PDE10A: variants seen among roughly 807,000 people sequenced by gnomAD.
PDE10A encodes the protein phosphodiesterase 10A, also known as cAMP and cAMP-inhibited cGMP 3',5'-cyclic phosphodiesterase 10A.
A neutral mutation model predicts 97.7 loss-of-function variants in PDE10A; 39 were observed. The ratio of observed to expected loss-of-function variants is 0.40; its 90% CI spans 0.31 to 0.52. The LOEUF (loss-of-function observed/expected upper bound fraction) is 0.52, where lower values mean the gene tolerates loss of function less well. Among genes scored for constraint, PDE10A ranks in the 20% least tolerant of loss-of-function variants. The pLI is 0.56. For missense variants in PDE10A, 731 were observed against 1,047.8 expected (o/e 0.70, Z 4.17); for synonymous variants, 371 against 376.8 (o/e 0.98, Z 0.18).
intron 1 of PDE10A, among the ~76,000 whole-genome samples, chr6:165,549,592 G>A (rs78927531): frequency 0.082 from 12,456 of 152,208 alleles, 549 homozygotes; most frequent in Non-Finnish European, 0.091. Context: ...CCGAAGTGCT[G>A]GGATCACAGA....
At chr6:165,710,469 T>C (rs1429422984) in intron 1 of PDE10A, among the ~76,000 whole-genome samples, 5 of 152,234 alleles carry the variant, frequency 3.3e-5, no homozygotes, top group Non-Finnish European at 7.3e-5. Flanking sequence ...TTTCCTGTTA[T>C]AGACACACCT....
chr6:165,620,565 C>T (rs2983500), intron 1 of PDE10A, among the ~76,000 whole-genome samples: 29,551 of 151,956 alleles, frequency 0.19, 4,338 homozygotes, highest in African/African-American at 0.42. Flanking sequence ...AGAGAGAAAA[C>T]GATCAATAAG....
chr6:165,927,928 C>T (rs1000331134), intron 1 of PDE10A, among the ~76,000 whole-genome samples: 1 of 150,640 alleles, frequency 6.6e-6, no homozygotes, highest in Middle Eastern at 3.5e-3. Flanking sequence ...AACTCCTAAC[C>T]TTAAGTGATC....
At position 165,724,926 on chromosome 6, in the gene PDE10A, C is replaced by T. The variant is rs1035642814; in HGVS notation, c.-614-181358G>A. On this transcript the variant is annotated intron_variant, in intron 1 of 19. Transcript: ENST00000366882. ...ATAGTGGTGATATGGGAGGGGGGCT[C>T]GCAAGTGCTGGGTAGAGAAAGGCAG... Among the ~76,000 whole-genome samples, 4 of 152,292 alleles carry T rather than the reference C, an allele frequency of 2.6e-5. 1 individual carries two copies. The highest frequency in any genetic ancestry group is 4.1e-4 in the South Asian group (2 of 4,826).
chr6:165,915,836 T>C (rs1782590876), intron 1 of PDE10A, among the ~76,000 whole-genome samples: 1 of 152,254 alleles, frequency 6.6e-6, no homozygotes, highest in Non-Finnish European at 1.5e-5. Context: ...TCAGGATACT[T>C]CAACTCTGTG....
intron 1 of PDE10A, among the ~76,000 whole-genome samples, chr6:165,766,384 A>G (rs1777850911): frequency 2.0e-5 from 3 of 152,236 alleles, no homozygotes; most frequent in South Asian, 2.1e-4. Flanking sequence ...CGCCAGCAGT[A>G]ATTCTATTCA....
intron 2 of PDE10A, among the ~76,000 whole-genome samples, chr6:165,486,875 CA>C (rs1779954294): frequency 6.6e-6 from 1 of 152,182 alleles, no homozygotes; most frequent in Admixed American, 6.5e-5. Context: ...CAGCTGCATT[CA>C]AAGCCAAAGT....
Position 165,416,064 on chromosome 6 carries a change from G to A in PDE10A, c.1889+125C>T, listed in dbSNP as rs942744691. The A allele has an allele frequency of 4.2e-5, 29 of 691,528 alleles. No individual in the cohort carries two copies. The South Asian group carries it at 4.3e-4, about 10-fold the overall frequency. 42.8% of individuals were successfully genotyped at this position (691,528 alleles called of 1,614,324 possible). On this transcript the variant is annotated intron_variant, in intron 12 of 21. Coordinates refer to ENST00000539869, the MANE Select transcript of PDE10A (RefSeq NM_001385079.1). ...CTATTGATAGCAGAGTTGGTTCAGA[G>A]AAGAAAACTAAGGAAGAAAGAACTG...
chr6:165,716,024 C>G (rs371074029), intron 1 of PDE10A, among the ~76,000 whole-genome samples: 3 of 152,170 alleles, frequency 2.0e-5, no homozygotes, highest in Non-Finnish European at 2.9e-5. Flanking sequence ...GCCCCTTACA[C>G]GTTGAGGATA....
rs199968746 is a variant in PDE10A at position 165,633,074 on chromosome 6, C to T, written c.865+28873G>A. Among the ~76,000 whole-genome samples, 68 of 124,018 alleles carry T rather than the reference C, an allele frequency of 5.5e-4. 2 individuals are homozygous for T. The highest frequency in any genetic ancestry group is 4.4e-3 in the Admixed American group (57 of 12,888). 81.4% of individuals were successfully genotyped at this position (124,018 alleles called of 152,430 possible). A position where few individuals can be genotyped will look rare whatever the true frequency, so the allele number is the denominator to read the frequency against. ...ACTTCTGAGAAGAAAGAAAAGTCAC[C>T]GTGTCAAAAAAAAAAAAGAAAAGAA... On this transcript the variant is annotated intron_variant, in intron 1 of 21. Transcript: ENST00000539869.
intron 1 of PDE10A, chr6:165,908,673 A>C (rs1045257879): frequency 1.3e-5 from 2 of 152,300 alleles, no homozygotes; most frequent in Non-Finnish European, 2.9e-5. Context: ...TCCAGAGGGA[A>C]GGCAGCCTGC....
intron 1 of PDE10A, among the ~76,000 whole-genome samples, chr6:165,975,392 C>T (rs1449725529): frequency 6.6e-6 from 1 of 152,152 alleles, no homozygotes; most frequent in Non-Finnish European, 1.5e-5. Context: ...ATTAGTTGGG[C>T]TCAAGAGTTC....
At chr6:165,672,106 G>T (rs1790663171) in intron 1 of PDE10A, among the ~76,000 whole-genome samples, 1 of 152,164 alleles carries the variant, frequency 6.6e-6, no homozygotes, top group African/African-American at 2.4e-5. Context: ...ACTGAAAATT[G>T]TTCCTGTATT....
At chr6:165,692,952 G>T (rs536067659) in intron 1 of PDE10A, among the ~76,000 whole-genome samples, 2 of 152,106 alleles carry the variant, frequency 1.3e-5, no homozygotes, top group Non-Finnish European at 2.9e-5. Context: ...TTTAGATTTT[G>T]CAGAAAACTG....
At chr6:165,448,020 C>A (rs1790996754) in intron 5 of PDE10A, among the ~76,000 whole-genome samples, 1 of 152,182 alleles carries the variant, frequency 6.6e-6, no homozygotes, top group East Asian at 1.9e-4. Context: ...TATTAAAAAT[C>A]TCAGAATGCT....
intron 10 of PDE10A, among the ~76,000 whole-genome samples, chr6:165,421,008 C>G (rs1438718471): frequency 6.6e-6 from 1 of 152,036 alleles, no homozygotes. Context: ...TCAAATTTAG[C>G]AATAATTAAA....
intron 1 of PDE10A, among the ~76,000 whole-genome samples, chr6:165,549,184 T>C (rs1042796801): frequency 1.3e-5 from 2 of 152,230 alleles, no homozygotes; most frequent in African/African-American, 2.4e-5. Flanking sequence ...TTTCAGTAAA[T>C]AGAAGTATTT....
intron 1 of PDE10A, among the ~76,000 whole-genome samples, chr6:165,714,985 C>G (rs965509099): frequency 2.0e-5 from 3 of 152,254 alleles, no homozygotes; most frequent in Non-Finnish European, 4.4e-5. Flanking sequence ...AGCACAAAGA[C>G]CCGGTGTGAA....
chr6:165,966,926 G>C (rs913809562), intron 1 of PDE10A, among the ~76,000 whole-genome samples: 1 of 151,982 alleles, frequency 6.6e-6, no homozygotes, highest in Admixed American at 6.6e-5. Context: ...GGAGAAAGAG[G>C]GAAGAAAAAC....
Sources: allele counts gnomAD v4.1 joint callset (sites outside exome capture counted in the v4.1 genomes callset), GRCh38; gene constraint gnomAD v4.1.1; transcripts MANE v1.5; gene names NCBI Gene and HGNC (gene_info 2026-07-23, HGNC 2026-07-21).